Variants in OGDH observed in about 807,000 individuals in gnomAD.
OGDH encodes the protein 2-oxoglutarate dehydrogenase complex component E1.
In OGDH, 38 loss-of-function variants were observed where a neutral mutation model predicts 116.6. That is an observed-to-expected ratio of 0.33 (90% CI 0.25 to 0.43). The LOEUF is 0.43. Ranked by LOEUF, OGDH falls within the 20% of genes least tolerant of loss-of-function variation. The pLI, the probability that OGDH is intolerant of heterozygous loss-of-function variation, is 1.00. For synonymous variants in OGDH, 488 were observed against 533.3 expected, an observed-to-expected ratio of 0.92 and a Z score of 1.17; for missense variants, 825 against 1,357.2, an observed-to-expected ratio of 0.61 and a Z score of 6.16.
In OGDH at chr7:44,677,919, C is replaced by A. The variant is rs565475154; in HGVS notation, c.1206+1770C>A. Reference sequence around the variant, plus strand: ...AGAAGTGGAACCAATTATTACTTTACCAGGCTCTATAATTTTAAATACTGT... The same window carrying A: ...AGAAGTGGAACCAATTATTACTTTAACAGGCTCTATAATTTTAAATACTGT... On this transcript the variant is annotated intron_variant, in intron 9 of 22. Coordinates refer to ENST00000222673, the MANE Select transcript of OGDH (RefSeq NM_002541.4). Among the ~76,000 whole-genome samples, 4 of 151,626 alleles carry A rather than the reference C, an allele frequency of 2.6e-5. No homozygotes were observed. The South Asian group carries it at 8.4e-4, about 32-fold the overall frequency.
chr7:44,691,812 TAA>T (rs1161422767), intron 10 of OGDH, among the ~76,000 whole-genome samples: 9 of 135,638 alleles, frequency 6.6e-5, no homozygotes, highest in Non-Finnish European at 9.7e-5. Flanking sequence ...CCATCTCTAC[TAA>T]AAAAAAAAAA....
chr7:44,626,335 C>G (rs1483882320), intron 2 of OGDH, among the ~76,000 whole-genome samples: 1 of 109,706 alleles, frequency 9.1e-6, no homozygotes, highest in East Asian at 3.5e-4. Context: ...ACACACACCC[C>G]TACACACACA....
chr7:44,640,814 G>A (rs751141527), intron 2 of OGDH, among the ~76,000 whole-genome samples: 3 of 152,120 alleles, frequency 2.0e-5, no homozygotes, highest in Non-Finnish European at 2.9e-5. Context: ...CTTGGGGTGC[G>A]GGTCACATGG....
At chr7:44,658,874 C>T (rs1466270749) in intron 4 of OGDH, among the ~76,000 whole-genome samples, 4 of 152,028 alleles carry the variant, frequency 2.6e-5, no homozygotes, top group Non-Finnish European at 4.4e-5. Context: ...CTTGCTCTGT[C>T]ACCCAGTCTG....
At chr7:44,678,109 G>A (rs1043745781) in intron 9 of OGDH, among the ~76,000 whole-genome samples, 2 of 152,018 alleles carry the variant, frequency 1.3e-5, no homozygotes, top group Admixed American at 6.6e-5. Flanking sequence ...CAAGCTCATG[G>A]GCCAGGACAG....
At chr7:44,666,692 C>T in intron 4 of OGDH, 44 bp from the exon 5 acceptor site, 1 of 1,165,158 alleles carries the variant, frequency 8.6e-7, no homozygotes, top group South Asian at 1.4e-5. Flanking sequence ...TGGCTGTGCC[C>T]CATCCCTCCT....
intron 9 of OGDH, among the ~76,000 whole-genome samples, chr7:44,678,702 A>T (rs1211678738): frequency 1.3e-5 from 2 of 152,148 alleles, no homozygotes; most frequent in Non-Finnish European, 2.9e-5. Flanking sequence ...AAGCCCTCAC[A>T]TGTCCCCAGC....
intron 4 of OGDH, among the ~76,000 whole-genome samples, chr7:44,657,067 G>A (rs532182587): frequency 6.6e-6 from 1 of 152,170 alleles, no homozygotes; most frequent in South Asian, 2.1e-4. Context: ...GATTATTATA[G>A]ATCCATATGC....
chr7:44,653,880 A>G (rs1242015688), intron 4 of OGDH, among the ~76,000 whole-genome samples: 2 of 148,924 alleles, frequency 1.3e-5, no homozygotes, highest in Admixed American at 6.7e-5. Flanking sequence ...TTTGAGACGG[A>G]GTCTCGCTCT....
In OGDH at chr7:44,694,346, A is replaced by T; in HGVS notation, c.1516-78A>T. ...AGAACGTGGCCATCACCTAGGAGAG[A>T]TGGGGCAGGTGCCTGAACAGCACTT... On this transcript the variant is annotated intron_variant, in intron 11 of 22. Transcript: ENST00000222673. The surrounding 1 kb of genome is among the most constrained non-coding windows in gnomAD (Gnocchi z 4.2). 6.4e-7 allele frequency: 1 copy of T among 1,557,230 alleles called. No homozygotes were observed. The highest frequency in any genetic ancestry group is 8.7e-7 in the Non-Finnish European group (1 of 1,148,086).
Position 44,624,391 on chromosome 7 carries a change from T to C in OGDH, c.48T>C (p.Ala16=), listed in dbSNP as rs932080974. Residue 16 remains alanine (A), a synonymous_variant, in exon 2 of 23, where the codon GCT becomes GCC. Transcript: ENST00000222673. ...CTGCTAAGTTGAGGCCATTGACGGC[T>C]TCCCAGACTGTTAAGACATTTTCAC... ...TCAAKLRPLT[A]SQTVKTFSQN... 4.3e-6 allele frequency: 7 copies of C among 1,609,782 alleles called. No homozygotes were observed. Among genetic ancestry groups the C allele is most frequent in the East Asian group, 2.2e-5 (1 of 44,728 alleles).
chr7:44,707,297 T>C lies in OGDH; in HGVS notation c.2705T>C (p.Leu902Pro), dbSNP rs1255188725. The change falls in exon 21 of 23, where the codon CTC (leucine) becomes CCC (proline). Residue 902 changes from leucine (L) to proline (P), a missense_variant. Around this residue, in one of 7 missense-constraint regions of OGDH, gnomAD observed 212 missense variants for 284.3 expected, o/e 0.75. Transcript: ENST00000222673. The surrounding 1 kb of genome is among the most constrained non-coding windows in gnomAD (Gnocchi z 5.2). ...AACCCAGAAAATGTCAAAAGGCTTC[T>C]CTTCTGCACCGGCAAAGTGTATTAT... ...AQNPENVKRL[L>P]FCTGKVYYDL... 1 of 1,614,248 alleles carries C rather than the reference T, an allele frequency of 6.2e-7. No homozygotes were observed. The highest frequency in any genetic ancestry group is 8.5e-7 in the Non-Finnish European group (1 of 1,180,052).
intron 4 of OGDH, among the ~76,000 whole-genome samples, chr7:44,663,753 A>T (rs1010225347): frequency 6.6e-5 from 10 of 152,150 alleles, no homozygotes. Context: ...TAGCCTGGGC[A>T]ACAGAGCGAG....
At chr7:44,670,772 A>G (rs1027285489) in intron 5 of OGDH, among the ~76,000 whole-genome samples, 1 of 152,160 alleles carries the variant, frequency 6.6e-6, no homozygotes, top group African/African-American at 2.4e-5. Context: ...GCACTTTGGG[A>G]GGCCAAGGCG....
intron 1 of OGDH, among the ~76,000 whole-genome samples, chr7:44,623,101 G>T (rs937668333): frequency 6.6e-6 from 1 of 152,154 alleles, no homozygotes; most frequent in Non-Finnish European, 1.5e-5. Flanking sequence ...CTTATGAAAG[G>T]GGGCTGAGTG....
chr7:44,620,076 G>A (rs111780430), intron 1 of OGDH, among the ~76,000 whole-genome samples: 2,772 of 152,140 alleles, frequency 0.018, 58 homozygotes, highest in Middle Eastern at 0.075. Flanking sequence ...GCTGGAGTGC[G>A]GTGGTGCGAT....
At chr7:44,647,258 G>A (rs1229536256) in intron 3 of OGDH, among the ~76,000 whole-genome samples, 1 of 152,196 alleles carries the variant, frequency 6.6e-6, no homozygotes, top group Non-Finnish European at 1.5e-5. Context: ...TTTTATAAAA[G>A]TACATTTATG....
chr7:44,678,133 T>C (rs1446974820), intron 9 of OGDH, among the ~76,000 whole-genome samples: 1 of 151,836 alleles, frequency 6.6e-6, no homozygotes, highest in African/African-American at 2.4e-5. Flanking sequence ...CACAGAAACT[T>C]CAACTAGATG....
chr7:44,611,603 G>T (rs1784570535), intron 1 of OGDH, among the ~76,000 whole-genome samples: 1 of 151,782 alleles, frequency 6.6e-6, no homozygotes, highest in Admixed American at 6.6e-5. Context: ...GTAGGGACGG[G>T]TTTTGCCATG....
Sources: allele counts gnomAD v4.1 joint callset (sites outside exome capture counted in the v4.1 genomes callset), GRCh38; gene constraint gnomAD v4.1.1; regional missense constraint gnomAD v4.1.1; non-coding constraint Gnocchi (gnomAD v3.1); transcripts MANE v1.5; gene names NCBI Gene and HGNC (gene_info 2026-07-23, HGNC 2026-07-21).